Variants in GFOD1 observed in about 807,000 individuals in gnomAD.
The protein encoded by GFOD1 is glucose-fructose oxidoreductase domain-containing protein 1.
Under a neutral mutation model 25.4 loss-of-function variants are expected in GFOD1, and 9 were observed. The observed-to-expected ratio is 0.35, with a 90% confidence interval of 0.21 to 0.62. GFOD1 has a LOEUF of 0.62. GFOD1 is among the 20% of genes least tolerant of loss of function. The pLI, the probability that GFOD1 is intolerant of heterozygous loss-of-function variation, is 0.72. For missense variants in GFOD1, 403 were observed against 556.9 expected, an observed-to-expected ratio of 0.72 and a Z score of 2.78; for synonymous variants, 253 against 245.6, an observed-to-expected ratio of 1.03 and a Z score of -0.28.
At chr6:13,380,723 C>G (rs1785347685) in intron 1 of GFOD1, among the ~76,000 whole-genome samples, 1 of 152,202 alleles carries the variant, frequency 6.6e-6, no homozygotes, top group South Asian at 2.1e-4. Flanking sequence ...TAGATTAAAA[C>G]TCCTCTTTCC....
chr6:13,462,133 C>A (rs1282774901), intron 1 of GFOD1, among the ~76,000 whole-genome samples: 1 of 152,208 alleles, frequency 6.6e-6, no homozygotes, highest in Non-Finnish European at 1.5e-5. Flanking sequence ...AAGTGAGATG[C>A]TTGGCACATG....
At chr6:13,438,969 T>C (rs1208633734) in intron 1 of GFOD1, among the ~76,000 whole-genome samples, 1 of 152,194 alleles carries the variant, frequency 6.6e-6, no homozygotes, top group African/African-American at 2.4e-5. Context: ...ATCCTATAAG[T>C]AGACATGATT....
At position 13,486,916 on chromosome 6, in the gene GFOD1, C is replaced by T; in HGVS notation, c.-26G>A. 1 of 1,599,390 alleles carries T rather than the reference C, an allele frequency of 6.3e-7. No individual in the cohort carries two copies. Among genetic ancestry groups the T allele is most frequent in the Non-Finnish European group, 8.5e-7 (1 of 1,177,366 alleles). ...GGCTGCTCAGAGCCGCCTGGTTCTG[C>T]TTCTGCTCGGATCTCCAGTCCAACG... On this transcript the variant is annotated 5_prime_UTR_variant, in exon 1 of 2. Coordinates refer to ENST00000379287, the MANE Select transcript of GFOD1 (RefSeq NM_018988.4).
chr6:13,454,136 A>G (rs1395436209), intron 1 of GFOD1, among the ~76,000 whole-genome samples: 5 of 152,198 alleles, frequency 3.3e-5, no homozygotes, highest in African/African-American at 1.2e-4. Flanking sequence ...GAGGTGATGC[A>G]TCCTCAGGCC....
intron 1 of GFOD1, among the ~76,000 whole-genome samples, chr6:13,428,210 C>T (rs1757677615): frequency 6.6e-6 from 1 of 152,220 alleles, no homozygotes; most frequent in Admixed American, 6.5e-5. Context: ...AACCAACCCA[C>T]TTTGCGGTCT....
At chr6:13,407,199 A>G (rs1323631621) in intron 1 of GFOD1, among the ~76,000 whole-genome samples, 5 of 152,236 alleles carry the variant, frequency 3.3e-5, no homozygotes, top group Non-Finnish European at 7.3e-5. Context: ...GACTGCTTAC[A>G]GAGCGACTGC....
chr6:13,369,485 C>T (rs187379126), intron 1 of GFOD1, among the ~76,000 whole-genome samples: 78 of 152,130 alleles, frequency 5.1e-4, no homozygotes, highest in African/African-American at 1.8e-3. Flanking sequence ...CCAGTCTGGA[C>T]AACATAGCAA....
intron 1 of GFOD1, among the ~76,000 whole-genome samples, chr6:13,372,297 C>A (rs1244429651): frequency 6.6e-6 from 1 of 152,178 alleles, no homozygotes; most frequent in Non-Finnish European, 1.5e-5. Flanking sequence ...AGCTTTACTG[C>A]CCTCCTGAGA....
chr6:13,404,128 C>T (rs539488355), intron 1 of GFOD1, among the ~76,000 whole-genome samples: 3 of 152,278 alleles, frequency 2.0e-5, no homozygotes, highest in Admixed American at 2.0e-4. Context: ...TCTGTGATGT[C>T]TAAAATATTG....
chr6:13,475,684 C>G (rs867925453), intron 1 of GFOD1, among the ~76,000 whole-genome samples: 2 of 150,954 alleles, frequency 1.3e-5, no homozygotes, highest in Non-Finnish European at 1.5e-5. Flanking sequence ...CGCCATTGCA[C>G]TCCAGCCTGG....
rs1207297370 is a variant in GFOD1 at position 13,390,778 on chromosome 6, A to G, written c.254-25116T>C. ...GAGAGAGAAAGAGAGAGAGAGAGAGAGAAAGGAAGGAAGGAAGGAAGGAAG... is the reference window on the plus strand; with the variant it reads ...GAGAGAGAAAGAGAGAGAGAGAGAGGGAAAGGAAGGAAGGAAGGAAGGAAG... On this transcript the variant is annotated intron_variant, in intron 1 of 1. Transcript: ENST00000379287. Among the ~76,000 whole-genome samples the G allele has an allele frequency of 4.9e-5, 5 of 102,288 alleles. No individual in the cohort carries two copies. The African/African-American group carries it at 6.1e-4, about 12-fold the overall frequency. The allele number at this position is 102,288 out of a possible 152,430, so 67.1% of individuals were successfully genotyped here.
chr6:13,481,258 T>C (rs1217140777), intron 1 of GFOD1, among the ~76,000 whole-genome samples: 1 of 152,192 alleles, frequency 6.6e-6, no homozygotes, highest in Non-Finnish European at 1.5e-5. Flanking sequence ...TCGCCCAAAG[T>C]AACACGTAAG....
intron 1 of GFOD1, among the ~76,000 whole-genome samples, chr6:13,409,020 G>T (rs945942263): frequency 6.6e-6 from 1 of 151,262 alleles, no homozygotes; most frequent in Non-Finnish European, 1.5e-5. Flanking sequence ...GGGAGGTGGA[G>T]GTTGCAGTGA....
intron 1 of GFOD1, among the ~76,000 whole-genome samples, chr6:13,447,779 CCAGTCAAAGCA>C (rs1394877355): frequency 7.8e-6 from 1 of 128,334 alleles, no homozygotes; most frequent in Non-Finnish European, 1.6e-5. Flanking sequence ...AAAGAGTTTT[CCAGTCAAAGCA>C]AAGTCATTAG....
rs992344969 is a variant in GFOD1 at position 13,487,546 on chromosome 6, A to C, written c.-656T>G. On this transcript the variant is annotated 5_prime_UTR_variant, in exon 1 of 2. The change abolishes an upstream ATG in the 5' untranslated region. Transcript: ENST00000379287. The surrounding 1 kb of genome is among the most constrained non-coding windows in gnomAD (Gnocchi z 4.9). The stretch of plus-strand genomic sequence containing the variant: ...GCGCCAGCCTCCTCATTCTGCTGCC[A>C]TGTTCGCTCGCCTCGCGGCTCGGGC... 3 of 151,786 alleles carry C rather than the reference A, an allele frequency of 2.0e-5. No individual in the cohort carries two copies. Among genetic ancestry groups the C allele is most frequent in the Non-Finnish European group, 2.9e-5 (2 of 67,950 alleles). 9.4% of individuals were successfully genotyped at this position (151,786 alleles called of 1,614,324 possible). A position where few individuals can be genotyped will look rare whatever the true frequency, so the allele number is the denominator to read the frequency against.
At chr6:13,460,502 TC>T (rs1457842918) in intron 1 of GFOD1, among the ~76,000 whole-genome samples, 3 of 152,200 alleles carry the variant, frequency 2.0e-5, no homozygotes, top group Non-Finnish European at 4.4e-5. Context: ...CAAGATCATG[TC>T]CTTTGCAGAA....
At chr6:13,476,313 C>T (rs1584675004) in intron 1 of GFOD1, among the ~76,000 whole-genome samples, 1 of 152,106 alleles carries the variant, frequency 6.6e-6, no homozygotes, top group African/African-American at 2.4e-5. Flanking sequence ...ACATCAAAAA[C>T]GTTATGCTAA....
rs190831263 is a variant in GFOD1, at chr6:13,361,721, C to G, written c.*3022G>C. On this transcript the variant is annotated 3_prime_UTR_variant, in exon 2 of 2. Coordinates refer to ENST00000379287, the MANE Select transcript of GFOD1 (RefSeq NM_018988.4). ...TTTATATTTAAAGAAAATGAACTAT[C>G]CAGTTCTTTTCTTTCTCTTGTTCCT... 1 of 152,296 alleles carries G rather than the reference C, an allele frequency of 6.6e-6. No individual in the cohort carries two copies. Among genetic ancestry groups the G allele is most frequent in the Non-Finnish European group, 1.5e-5 (1 of 68,022 alleles). 9.4% of individuals were successfully genotyped at this position (152,296 alleles called of 1,614,324 possible). A position where few individuals can be genotyped will look rare whatever the true frequency, so the allele number is the denominator to read the frequency against.
intron 1 of GFOD1, among the ~76,000 whole-genome samples, chr6:13,409,084 G>A (rs928666399): frequency 2.3e-5 from 1 of 43,644 alleles, no homozygotes; most frequent in Admixed American, 3.0e-4. Context: ...GACTCCATCA[G>A]AAAGGAAAGA....
Sources: allele counts gnomAD v4.1 joint callset (sites outside exome capture counted in the v4.1 genomes callset), GRCh38; gene constraint gnomAD v4.1.1; non-coding constraint Gnocchi (gnomAD v3.1); transcripts MANE v1.5; gene names NCBI Gene and HGNC (gene_info 2026-07-23, HGNC 2026-07-21).